NCKAP1: variants seen among roughly 807,000 people sequenced by gnomAD.
NCKAP1 encodes nck-associated protein 1.
Under a neutral mutation model 151.2 loss-of-function variants are expected in NCKAP1, and 21 were observed. The ratio of observed to expected loss-of-function variants is 0.14; its 90% CI spans 0.10 to 0.20. The LOEUF (loss-of-function observed/expected upper bound fraction) is 0.20. Among genes scored for constraint, NCKAP1 ranks in the 10% least tolerant of loss-of-function variants. The pLI, the probability that NCKAP1 is intolerant of heterozygous loss-of-function variation, is 1.00. For missense variants in NCKAP1, 933 were observed against 1,352.1 expected (o/e 0.69, Z 4.86); for synonymous variants, 484 against 451.8 (o/e 1.07, Z -0.90).
chr2:182,911,872 T>TAACTCAGC lies in NCKAP1; in HGVS notation c.*13829_*13830insGCTGAGTT, dbSNP rs71405494. 2 of 151,172 alleles carry TAACTCAGC rather than the reference T, an allele frequency of 1.3e-5. No homozygotes were observed. Among genetic ancestry groups the TAACTCAGC allele is most frequent in the African/African-American group, 2.4e-5 (1 of 41,428 alleles). 9.4% of individuals were successfully genotyped at this position (151,172 alleles called of 1,614,324 possible). ...TTTTCATGATTTTATTAGAAAGCAGTAACTGCATTTCTGGTAGGCCTTTCT... is the reference window on the plus strand; with the variant it reads ...TTTTCATGATTTTATTAGAAAGCAGTAACTCAGCAACTGCATTTCTGGTAGGCCTTTCT... On this transcript the variant is annotated 3_prime_UTR_variant, in exon 31 of 31. Coordinates refer to ENST00000361354, the MANE Select transcript of NCKAP1 (RefSeq NM_013436.5).
At chr2:182,980,261 T>C (rs2105851707) in intron 13 of NCKAP1, among the ~76,000 whole-genome samples, 1 of 152,104 alleles carries the variant, frequency 6.6e-6, no homozygotes, top group African/African-American at 2.4e-5. Context: ...AGAAATAAAC[T>C]ATAGAGTTTA....
At position 182,911,746 on chromosome 2, in the gene NCKAP1, AAAAAC is replaced by A. The variant is rs537070633; in HGVS notation, c.*13951_*13955del. Reference sequence around the variant, plus strand: ...TTGCTGTTGATGGGAATTATTAAAAAAAAACAAAACAAACAGAACCGCTTTTGGAG... The same window carrying A: ...TTGCTGTTGATGGGAATTATTAAAAAAAAACAAACAGAACCGCTTTTGGAG... On this transcript the variant is annotated 3_prime_UTR_variant, in exon 31 of 31. Coordinates refer to ENST00000361354, the MANE Select transcript of NCKAP1 (RefSeq NM_013436.5). The A allele has an allele frequency of 1.2e-3, 190 of 152,330 alleles. 1 individual carries two copies. Among genetic ancestry groups the A allele is most frequent in the African/African-American group, 4.4e-3 (182 of 41,584 alleles). The allele number at this position is 152,330 out of a possible 1,614,324, so 9.4% of individuals were successfully genotyped here.
At position 183,038,166 on chromosome 2, in the gene NCKAP1, G is replaced by A; in HGVS notation, c.-67C>T. On this transcript the variant is annotated 5_prime_UTR_variant, in exon 1 of 31. Transcript: ENST00000361354. ...CAGTCACGGGCCCGCGGCCTTCGCA[G>A]CAGCCTCTCTCGGGCCTCCTCCCCT... The A allele has an allele frequency of 8.3e-7, 1 of 1,211,280 alleles. No homozygotes were observed. Among genetic ancestry groups the A allele is most frequent in the South Asian group, 1.6e-5 (1 of 64,312 alleles). 75.0% of individuals were successfully genotyped at this position (1,211,280 alleles called of 1,614,324 possible).
chr2:183,013,158 TTCTC>T (rs931596368), intron 2 of NCKAP1, among the ~76,000 whole-genome samples: 4 of 151,958 alleles, frequency 2.6e-5, no homozygotes, highest in Non-Finnish European at 5.9e-5. Context: ...TTCCATTCCT[TTCTC>T]TCTCTCTCAA....
chr2:183,015,847 A>T (rs548119494), intron 2 of NCKAP1, among the ~76,000 whole-genome samples: 2 of 151,850 alleles, frequency 1.3e-5, no homozygotes, highest in Admixed American at 1.3e-4. Context: ...GAAGAAAAGG[A>T]CAAATGGATA....
At chr2:183,009,390 G>C (rs1442143607) in intron 2 of NCKAP1, among the ~76,000 whole-genome samples, 2 of 142,450 alleles carry the variant, frequency 1.4e-5, no homozygotes, top group African/African-American at 5.3e-5. Context: ...GAGGAAAGAG[G>C]GAGGGGGAGG....
chr2:183,011,445 C>T (rs987631152), intron 2 of NCKAP1, among the ~76,000 whole-genome samples: 1 of 152,210 alleles, frequency 6.6e-6, no homozygotes, highest in Non-Finnish European at 1.5e-5. Context: ...GTTAATCCTG[C>T]TGTTACTCCC....
intron 1 of NCKAP1, among the ~76,000 whole-genome samples, chr2:183,029,821 G>GAAAAAAAAAAAAAAAAAAAAAAAAAA: frequency 2.0e-5 from 1 of 50,742 alleles, no homozygotes; most frequent in Non-Finnish European, 3.8e-5. Flanking sequence ...ACCCTGACTC[G>GAAAAAAAAAAAAAAAAAAAAAAAAAA]AAAAAAAAAA....
At position 183,002,062 on chromosome 2, in the gene NCKAP1, A is replaced by G; in HGVS notation, c.513-19T>C. The G allele has an allele frequency of 6.2e-7, 1 of 1,612,818 alleles. No individual in the cohort carries two copies. The highest frequency in any genetic ancestry group is 8.5e-7 in the Non-Finnish European group (1 of 1,179,020). The stretch of plus-strand genomic sequence containing the variant: ...TCTGTCACTTAAAACAGACATATCA[A>G]ATTTCAATGAGTTGTAATCCATCAA... On this transcript the variant is annotated intron_variant, in intron 5 of 30. Coordinates refer to ENST00000361354, the MANE Select transcript of NCKAP1 (RefSeq NM_013436.5).
chr2:182,977,032 G>T, intron 14 of NCKAP1, 81 bp from the exon 15 acceptor site: 2 of 955,104 alleles, frequency 2.1e-6, no homozygotes, highest in South Asian at 2.1e-5. Context: ...AATTTTAAGA[G>T]CTAAGACAAT....
chr2:182,930,582 A>T (rs920717767), intron 27 of NCKAP1, 113 bp downstream of exon 27: 28 of 782,186 alleles, frequency 3.6e-5, no homozygotes, highest in Non-Finnish European at 5.4e-5. Context: ...TAACAAATTT[A>T]AAAAGCTGAA....
intron 10 of NCKAP1, among the ~76,000 whole-genome samples, chr2:182,984,454 C>T (rs1285068630): frequency 1.5e-5 from 2 of 129,242 alleles, no homozygotes; most frequent in East Asian, 2.0e-4. Flanking sequence ...GTGTGTGTTG[C>T]CTATGCCAAA....
At position 182,915,722 on chromosome 2, in the gene NCKAP1, C is replaced by T. The variant is rs1696456826; in HGVS notation, c.*9980G>A. The T allele has an allele frequency of 6.6e-6, 1 of 152,110 alleles. No individual in the cohort carries two copies. The highest frequency in any genetic ancestry group is 1.9e-4 in the East Asian group (1 of 5,190). The allele number at this position is 152,110 out of a possible 1,614,324, so 9.4% of individuals were successfully genotyped here. A position where few individuals can be genotyped will look rare whatever the true frequency, so the allele number is the denominator to read the frequency against. On this transcript the variant is annotated 3_prime_UTR_variant, in exon 31 of 31. Coordinates refer to ENST00000361354, the MANE Select transcript of NCKAP1 (RefSeq NM_013436.5). Reference sequence around the variant, plus strand: ...AAGGGGTAAGATTACAGTTAAGTGTCTCACAGCTCCTGTCTTTTCTATGAA... The same window carrying T: ...AAGGGGTAAGATTACAGTTAAGTGTTTCACAGCTCCTGTCTTTTCTATGAA...
chr2:182,981,170 T>G, intron 13 of NCKAP1, 74 bp downstream of exon 13: 1 of 1,519,178 alleles, frequency 6.6e-7, no homozygotes, highest in Non-Finnish European at 9.0e-7. Context: ...AAATGCTTGT[T>G]GAACAAACAA....
At chr2:183,010,296 T>C (rs1335224773) in intron 2 of NCKAP1, among the ~76,000 whole-genome samples, 1 of 152,208 alleles carries the variant, frequency 6.6e-6, no homozygotes. Flanking sequence ...TTTTGCTCTT[T>C]TGGAACACTG....
intron 23 of NCKAP1, among the ~76,000 whole-genome samples, chr2:182,951,052 T>C (rs911832366): frequency 6.6e-6 from 1 of 151,830 alleles, no homozygotes; most frequent in Non-Finnish European, 1.5e-5. Flanking sequence ...AGGCTGGTCT[T>C]GAACTCCTAA....
rs6735144 is a variant in NCKAP1 at position 182,922,035 on chromosome 2, C to T, written c.*3667G>A. 0.67 allele frequency: 102,304 copies of T among 152,056 alleles called. 37,678 individuals carry two copies. Among genetic ancestry groups the T allele is most frequent in the East Asian group, 0.96 (4,963 of 5,170 alleles). The allele number at this position is 152,056 out of a possible 1,614,324, so 9.4% of individuals were successfully genotyped here. Reference sequence around the variant, plus strand: ...CATTTTGTCTATTTGAAAATTCAGGCTCAGGCCTTCAAATGAAATGATGGT... The same window carrying T: ...CATTTTGTCTATTTGAAAATTCAGGTTCAGGCCTTCAAATGAAATGATGGT... On this transcript the variant is annotated 3_prime_UTR_variant, in exon 31 of 31. Transcript: ENST00000361354.
At chr2:183,027,936 CAA>C (rs1698929398) in intron 1 of NCKAP1, among the ~76,000 whole-genome samples, 1 of 152,176 alleles carries the variant, frequency 6.6e-6, no homozygotes, top group South Asian at 2.1e-4. Context: ...ATCCTTAACT[CAA>C]AGTTATCACC....
At chr2:182,964,148 G>A (rs1436063404) in intron 17 of NCKAP1, among the ~76,000 whole-genome samples, 1 of 151,888 alleles carries the variant, frequency 6.6e-6, no homozygotes, top group Non-Finnish European at 1.5e-5. Flanking sequence ...CAGATACTTG[G>A]CATCAACAAA....
Sources: gnomAD v4.1 joint callset for allele counts (sites outside exome capture counted in the v4.1 genomes callset) on GRCh38, gnomAD v4.1.1 for gene constraint, MANE v1.5 for transcripts, NCBI Gene and HGNC (gene_info 2026-07-23, HGNC 2026-07-21) for gene names.